Variants in ERICH1 observed in about 807,000 individuals in gnomAD.
ERICH1 encodes the protein glutamate-rich protein 1.
In ERICH1, 56 loss-of-function variants were observed where a neutral mutation model predicts 39.6. The ratio of observed to expected loss-of-function variants is 1.41; its 90% confidence interval spans 1.14 to 1.77. ERICH1 has a LOEUF of 1.77. Ranked by LOEUF, ERICH1 falls within the 40% of genes most tolerant of loss-of-function variation. The pLI, the probability that ERICH1 is intolerant of heterozygous loss-of-function variation, is 0.00. For synonymous variants in ERICH1, 313 were observed against 223.6 expected (o/e 1.40, Z -3.57); for missense variants, 826 against 575.4 (o/e 1.44, Z -4.45).
At chr8:708,835 G>A (rs891820758) in intron 2 of ERICH1, among the ~76,000 whole-genome samples, 8 of 151,484 alleles carry the variant, frequency 5.3e-5, no homozygotes, top group African/African-American at 1.9e-4. Context: ...CTGCGATATA[G>A]GTGTACATCA....
intron 3 of ERICH1, among the ~76,000 whole-genome samples, chr8:623,402 T>G (rs958240055): frequency 1.3e-5 from 2 of 152,222 alleles, no homozygotes; most frequent in African/African-American, 4.8e-5. Context: ...AGCCTGATGC[T>G]TATGTTTATG....
At chr8:642,742 C>A (rs1195243847) in intron 3 of ERICH1, among the ~76,000 whole-genome samples, 1 of 152,040 alleles carries the variant, frequency 6.6e-6, no homozygotes, top group Non-Finnish European at 1.5e-5. Context: ...AGGCGCTGGC[C>A]CTCTTCTTGT....
chr8:650,532 G>C lies in ERICH1; in HGVS notation c.976+18066C>G, dbSNP rs1483409485. Among the ~76,000 whole-genome samples the C allele has an allele frequency of 2.6e-5, 4 of 152,186 alleles. No individual in the cohort carries two copies. In the East Asian group the frequency reaches 7.7e-4, roughly 29 times the overall value. On this transcript the variant is annotated intron_variant, in intron 3 of 3. Transcript: ENST00000522706. ...TGACCTCCCAGCAGCAGCCGCCCCG[G>C]TGGCTGCAGGTACCCCCGAGGCCGG...
At chr8:713,321 A>G (rs1299487501) in intron 2 of ERICH1, among the ~76,000 whole-genome samples, 1 of 152,256 alleles carries the variant, frequency 6.6e-6, no homozygotes, top group Non-Finnish European at 1.5e-5. Context: ...TATAATAAGT[A>G]TATTCTTTAA....
At chr8:640,311 G>A (rs1445883062) in intron 3 of ERICH1, among the ~76,000 whole-genome samples, 1 of 152,204 alleles carries the variant, frequency 6.6e-6, no homozygotes, top group East Asian at 1.9e-4. Flanking sequence ...TGGAGCTGCT[G>A]ACACACAAGC....
At chr8:694,573 G>A (rs1233555647) in intron 2 of ERICH1, among the ~76,000 whole-genome samples, 1 of 152,174 alleles carries the variant, frequency 6.6e-6, no homozygotes, top group East Asian at 1.9e-4. Context: ...TGGGGTGACC[G>A]CGGGCCAGGG....
intron 3 of ERICH1, among the ~76,000 whole-genome samples, chr8:692,233 G>C (rs1426848436): frequency 1.3e-5 from 2 of 152,154 alleles, no homozygotes; most frequent in African/African-American, 2.4e-5. Flanking sequence ...ATGGGCTATA[G>C]TCATATTCCC....
chr8:629,132 C>T (rs573202447), intron 3 of ERICH1, among the ~76,000 whole-genome samples: 1 of 152,300 alleles, frequency 6.6e-6, no homozygotes, highest in Non-Finnish European at 1.5e-5. Context: ...AGTCACATGA[C>T]GATCACACAT....
chr8:641,083 C>G (rs1197850662), intron 3 of ERICH1: 1 of 152,226 alleles, frequency 6.6e-6, no homozygotes, highest in Non-Finnish European at 1.5e-5. Context: ...GAGCCACTCC[C>G]AGCTTCTCAC....
chr8:618,410 T>C (rs917200279), intron 3 of ERICH1, among the ~76,000 whole-genome samples: 3 of 152,134 alleles, frequency 2.0e-5, no homozygotes, highest in Admixed American at 1.3e-4. Context: ...CCACCATCAC[T>C]GCCCTCTGAG....
intron 3 of ERICH1, among the ~76,000 whole-genome samples, chr8:617,488 A>T (rs1796994523): frequency 6.6e-6 from 1 of 151,906 alleles, no homozygotes; most frequent in Non-Finnish European, 1.5e-5. Flanking sequence ...GTCTATCCTC[A>T]CTTCCCTCTG....
chr8:727,981 G>A (rs930388874), intron 1 of ERICH1, among the ~76,000 whole-genome samples: 20 of 152,322 alleles, frequency 1.3e-4, no homozygotes, highest in African/African-American at 4.8e-4. Flanking sequence ...CAGGGAGACA[G>A]GGAGCGGCCG....
At chr8:730,375 C>T (rs1819698422) in intron 1 of ERICH1, among the ~76,000 whole-genome samples, 1 of 152,120 alleles carries the variant, frequency 6.6e-6, no homozygotes, top group South Asian at 2.1e-4. Context: ...AAGGGAAAAA[C>T]ATGATTATCA....
chr8:663,172 T>C (rs572321260), downstream of ERICH1, among the ~76,000 whole-genome samples: 3 of 152,284 alleles, frequency 2.0e-5, no homozygotes, highest in East Asian at 3.9e-4. Flanking sequence ...GGTTCCAACA[T>C]GTAGAAGAGA....
chr8:693,063 A>G (rs1018868166), intron 2 of ERICH1, among the ~76,000 whole-genome samples: 19 of 152,052 alleles, frequency 1.2e-4, no homozygotes, highest in Admixed American at 1.2e-3. Context: ...GGCTGTGTGC[A>G]CACACAGCCA....
chr8:693,992 T>G (rs1341520467), intron 2 of ERICH1, among the ~76,000 whole-genome samples: 1 of 152,196 alleles, frequency 6.6e-6, no homozygotes, highest in African/African-American at 2.4e-5. Flanking sequence ...TTAGTCTTCC[T>G]TTTTTCATGC....
intron 4 of ERICH1, 38 bp downstream of exon 4, chr8:673,251 G>C: frequency 6.5e-7 from 1 of 1,544,930 alleles, no homozygotes; most frequent in Non-Finnish European, 8.7e-7. Flanking sequence ...CTTTTAAGTG[G>C]ATGTCACTAT....
At chr8:619,060 G>A (rs772633816) in intron 3 of ERICH1, among the ~76,000 whole-genome samples, 7 of 152,086 alleles carry the variant, frequency 4.6e-5, no homozygotes, top group African/African-American at 7.2e-5. Context: ...TGGCATTTCA[G>A]CCTCAGCCCT....
intron 3 of ERICH1, among the ~76,000 whole-genome samples, chr8:642,922 G>A (rs866908520): frequency 1.3e-5 from 2 of 152,198 alleles, no homozygotes; most frequent in African/African-American, 4.8e-5. Context: ...GGGGCTGGAC[G>A]GGAGACTGCA....
Sources: allele counts gnomAD v4.1 joint callset (sites outside exome capture counted in the v4.1 genomes callset), GRCh38; gene constraint gnomAD v4.1.1; transcripts MANE v1.5; gene names NCBI Gene and HGNC (gene_info 2026-07-23, HGNC 2026-07-21).